THUMPD2: variants seen among roughly 807,000 people sequenced by gnomAD.
The protein encoded by THUMPD2 is THUMP domain 2 tRNA and snRNA guanosine methyltransferase.
In THUMPD2, 56 loss-of-function variants were observed where a neutral mutation model predicts 49.4. That is an observed-to-expected ratio of 1.13 (90% CI 0.91 to 1.41). The LOEUF is 1.41. THUMPD2 is among the 40% of genes most tolerant of loss of function. THUMPD2 has a pLI of 0.00. For synonymous variants in THUMPD2, 237 were observed against 205.2 expected (o/e 1.15, Z -1.32); for missense variants, 709 against 594.5 (o/e 1.19, Z -2.00).
rs1315386499 is a variant in THUMPD2, at chr2:39,761,337, G to A, written c.885C>T (p.Asp295=). The part of the protein sequence containing the change: ...TIAWAMASLA[D]IKAGAFVLDP... ...AGGAAAACATTTTTCTTACCTTAAT[G>A]TCAGCCAGAGATGCCATTGCCCACG... is the stretch of plus-strand genomic sequence containing the variant. The change falls in exon 6 of 10, where the codon GAC becomes GAT. Residue 295 remains aspartate, a synonymous_variant. Transcript: ENST00000505747. The A allele has an allele frequency of 6.2e-7, 1 of 1,613,682 alleles. No homozygotes were observed. Among genetic ancestry groups the A allele is most frequent in the Non-Finnish European group, 8.5e-7 (1 of 1,179,664 alleles).
At chr2:39,762,755 A>ATT (rs1676987481) in intron 5 of THUMPD2, among the ~76,000 whole-genome samples, 1 of 150,380 alleles carries the variant, frequency 6.6e-6, no homozygotes, top group African/African-American at 2.5e-5. Flanking sequence ...CTAGATGCCA[A>ATT]AACTATAAAA....
At position 39,756,932 on chromosome 2, in the gene THUMPD2, AATAAT is replaced by A. The variant is rs1167379275; in HGVS notation, c.892-977_892-973del. The stretch of plus-strand genomic sequence containing the variant: ...ATGTAATAATAATAATAATAATAAT[AATAAT>A]AAATGGTATTGGAGAAAAAAAAAAA... On this transcript the variant is annotated intron_variant, in intron 6 of 9. Transcript: ENST00000505747. 3.1e-4 allele frequency among the ~76,000 whole-genome samples: 44 copies of A among 143,876 alleles called. 1 individual carries two copies. Among genetic ancestry groups the A allele is most frequent in the African/African-American group, 1.1e-3 (41 of 38,708 alleles). The allele number at this position is 143,876 out of a possible 152,430, so 94.4% of individuals were successfully genotyped here.
chr2:39,747,074 C>G (rs1674694013), intron 8 of THUMPD2, among the ~76,000 whole-genome samples: 3 of 152,282 alleles, frequency 2.0e-5, no homozygotes, highest in Middle Eastern at 3.4e-3. Context: ...CCCCAAAGGA[C>G]TTAGTGTGAA....
chr2:39,777,451 A>C (rs896068662), intron 1 of THUMPD2, among the ~76,000 whole-genome samples: 1 of 152,226 alleles, frequency 6.6e-6, no homozygotes, highest in Non-Finnish European at 1.5e-5. Context: ...AGACTCAGAG[A>C]CAAGTCCCAA....
At chr2:39,767,859 T>C (rs2148325270) in intron 4 of THUMPD2, among the ~76,000 whole-genome samples, 1 of 152,306 alleles carries the variant, frequency 6.6e-6, no homozygotes, top group East Asian at 1.9e-4. Context: ...TATGAATTAA[T>C]GAATCATGAA....
intron 3 of THUMPD2, chr2:39,769,115 T>C (rs1376495832): frequency 7.7e-7 from 1 of 1,302,142 alleles, no homozygotes; most frequent in Non-Finnish European, 1.0e-6. Flanking sequence ...AGCCACTGAA[T>C]AAGCACAAAG....
chr2:39,748,756 G>C (rs1187446855), intron 8 of THUMPD2, among the ~76,000 whole-genome samples: 1 of 152,048 alleles, frequency 6.6e-6, no homozygotes, highest in East Asian at 1.9e-4. Flanking sequence ...CCGGGAGGCT[G>C]AGCTGGGAGG....
chr2:39,745,741 A>G (rs1038530242), intron 8 of THUMPD2, among the ~76,000 whole-genome samples: 3 of 151,932 alleles, frequency 2.0e-5, no homozygotes, highest in African/African-American at 7.2e-5. Flanking sequence ...TTGCTGCTCT[A>G]TATTATATAA....
At position 39,755,306 on chromosome 2, in the gene THUMPD2, A is replaced by T. The variant is rs756640485; in HGVS notation, c.1067T>A (p.Ile356Asn). The T allele has an allele frequency of 1.3e-6, 2 of 1,541,356 alleles. No homozygotes were observed. The highest frequency in any genetic ancestry group is 1.2e-5 in the South Asian group (1 of 80,236). Residue 356 changes from isoleucine (I) to asparagine (N), a missense_variant, in exon 8 of 10, where the codon ATC (isoleucine) becomes AAC (asparagine). Coordinates refer to ENST00000505747, the MANE Select transcript of THUMPD2 (RefSeq NM_025264.5). ...GLEDKIELLK[I>N]SVIELPLPSE... ...TTTTAGTATCTTACCTATAACAGAG[A>T]TTTTAAGTAATTCAATTTTATCCTC... is the stretch of plus-strand genomic sequence containing the variant.
At chr2:39,766,579 A>C (rs76049518) in intron 4 of THUMPD2, among the ~76,000 whole-genome samples, 1 of 152,202 alleles carries the variant, frequency 6.6e-6, no homozygotes, top group Non-Finnish European at 1.5e-5. Flanking sequence ...TGTTTTCTCT[A>C]TAAGTTTCTG....
chr2:39,745,491 T>A (rs1334533730), intron 8 of THUMPD2, among the ~76,000 whole-genome samples: 1 of 152,214 alleles, frequency 6.6e-6, no homozygotes, highest in Admixed American at 6.5e-5. Context: ...AGGGTGTTGA[T>A]ATAGTACACA....
chr2:39,766,519 C>T (rs1677543204), intron 4 of THUMPD2, among the ~76,000 whole-genome samples: 1 of 152,158 alleles, frequency 6.6e-6, no homozygotes, highest in South Asian at 2.1e-4. Flanking sequence ...CAAATACTTT[C>T]AGGGTAACAG....
chr2:39,774,132 G>C (rs1446160133), intron 1 of THUMPD2, among the ~76,000 whole-genome samples: 1 of 152,254 alleles, frequency 6.6e-6, no homozygotes, highest in Non-Finnish European at 1.5e-5. Context: ...GCCAGGCAAT[G>C]GGATGGCATC....
chr2:39,771,441 C>A, intron 2 of THUMPD2, 64 bp downstream of exon 2: 1 of 1,483,864 alleles, frequency 6.7e-7, no homozygotes, highest in Non-Finnish European at 9.0e-7. Context: ...TATTATCAAG[C>A]AGAAAATGTT....
intron 9 of THUMPD2, among the ~76,000 whole-genome samples, chr2:39,739,646 T>C (rs982752093): frequency 3.3e-5 from 5 of 152,180 alleles, no homozygotes; most frequent in Non-Finnish European, 2.9e-5. Flanking sequence ...GCATGGGAGA[T>C]GCAAAGACTT....
At position 39,779,226 on chromosome 2, in the gene THUMPD2, C is replaced by A. The variant is rs1679544136; in HGVS notation, c.14G>T (p.Arg5Leu). 2 of 1,497,554 alleles carry A rather than the reference C, an allele frequency of 1.3e-6. No individual in the cohort carries two copies. Among genetic ancestry groups the A allele is most frequent in the Non-Finnish European group, 1.8e-6 (2 of 1,129,756 alleles). 92.8% of individuals were successfully genotyped at this position (1,497,554 alleles called of 1,614,324 possible). Residue 5 changes from arginine to leucine, a missense_variant, in exon 1 of 10, where the codon CGT becomes CTT. Coordinates refer to ENST00000505747, the MANE Select transcript of THUMPD2 (RefSeq NM_025264.5). MSEARGEPGSGPEAG... is the reference protein window; with the variant it reads MSEALGEPGSGPEAG... ...CTCAGGCCCGGACCCTGGCTCTCCACGCGCCTCCGACATGGCGGCTCAGGC... is the reference window on the plus strand; with the variant it reads ...CTCAGGCCCGGACCCTGGCTCTCCAAGCGCCTCCGACATGGCGGCTCAGGC...
chr2:39,769,131 C>G, intron 3 of THUMPD2: 1 of 1,286,126 alleles, frequency 7.8e-7, no homozygotes, highest in Non-Finnish European at 1.0e-6. Context: ...CAAAGCTGAA[C>G]TGAAGAGAAA....
chr2:39,772,918 G>T (rs967253061), intron 1 of THUMPD2, among the ~76,000 whole-genome samples: 1 of 152,144 alleles, frequency 6.6e-6, no homozygotes, highest in Non-Finnish European at 1.5e-5. Flanking sequence ...GCTACTCCAG[G>T]CTGATGAAAG....
At chr2:39,763,417 C>CG (rs144531805) in intron 5 of THUMPD2, among the ~76,000 whole-genome samples, 4,078 of 152,224 alleles carry the variant, frequency 0.027, 174 homozygotes, top group African/African-American at 0.092. Context: ...GTACCATACT[C>CG]TACCTCTTCA....
Sources: allele counts gnomAD v4.1 joint callset (sites outside exome capture counted in the v4.1 genomes callset), GRCh38; gene constraint gnomAD v4.1.1; transcripts MANE v1.5; gene names NCBI Gene and HGNC (gene_info 2026-07-23, HGNC 2026-07-21).